Variants in OR52E2 observed in about 807,000 individuals in gnomAD.
The protein encoded by OR52E2 is olfactory receptor 52E2.
For missense variants in OR52E2, 443 were observed against 403.9 expected, an observed-to-expected ratio of 1.10 and a Z score of -0.83; for synonymous variants, 130 against 143.9, an observed-to-expected ratio of 0.90 and a Z score of 0.69.
Position 5,059,498 on chromosome 11 carries a change from T to A in OR52E2, c.130A>T (p.Asn44Tyr), listed in dbSNP as rs777079565. 1.2e-6 allele frequency: 2 copies of A among 1,613,954 alleles called. No individual in the cohort carries two copies. Among genetic ancestry groups the A allele is most frequent in the Admixed American group, 1.7e-5 (1 of 59,986 alleles). Residue 44 changes from asparagine (N) to tyrosine (Y), a missense_variant, in exon 1 of 1, where the codon AAC becomes TAC. Asn to Tyr is a moderately radical substitution (Grantham distance 143, BLOSUM62 -2). Coordinates refer to ENST00000321522, the MANE Select transcript of OR52E2 (RefSeq NM_001005164.2). ...CAVYMIALIGNFTILLVIKTD... is the reference protein window; with the variant it reads ...CAVYMIALIGYFTILLVIKTD... ...TTGATCACAAGTAGAATAGTGAAGT[T>A]CCCTATGAGTGCGATCATGTACACA...
At position 5,059,570 on chromosome 11, in the gene OR52E2, G is replaced by A; in HGVS notation, c.58C>T (p.Pro20Ser). Residue 20 changes from proline to serine, a missense_variant, in exon 1 of 1, where the codon CCA (proline) becomes TCA (serine). Pro to Ser is a moderately conservative substitution (Grantham distance 74). Transcript: ENST00000321522. Reference sequence around the variant, plus strand: ...CAGATGTGAAGTGTTTCTAGTCCTGGGATCCCCAGCAACAGGAAGGAGGAG... The same window carrying A: ...CAGATGTGAAGTGTTTCTAGTCCTGAGATCCCCAGCAACAGGAAGGAGGAG... ...HPSSFLLLGI[P>S]GLETLHIWIG... The A allele has an allele frequency of 1.9e-6, 3 of 1,612,764 alleles. No homozygotes were observed. The highest frequency in any genetic ancestry group is 2.5e-6 in the Non-Finnish European group (3 of 1,179,290).
Position 5,059,389 on chromosome 11 carries a change from A to T in OR52E2, c.239T>A (p.Ile80Asn), listed in dbSNP as rs373112219. 181 of 1,613,686 alleles carry T rather than the reference A, an allele frequency of 1.1e-4. No individual in the cohort carries two copies. The highest frequency in any genetic ancestry group is 1.4e-4 in the Non-Finnish European group (168 of 1,179,900). Residue 80 changes from isoleucine to asparagine, a missense_variant, in exon 1 of 1, where the codon ATC (isoleucine) becomes AAC (asparagine). By Grantham distance (149) the Ile-to-Asn change is moderately radical. Coordinates refer to ENST00000321522, the MANE Select transcript of OR52E2 (RefSeq NM_001005164.2). ...CCAGAAGATTCCAAGCATCTTAGGG[A>T]TGGTAGCTGTTGAGAGACCCACATC... ...TTDVGLSTAT[I>N]PKMLGIFWIN...
In OR52E2 at chr11:5,059,037, A is replaced by G. The variant is rs1564835828; in HGVS notation, c.591T>C (p.Asn197=). 3 of 1,613,822 alleles carry G rather than the reference A, an allele frequency of 1.9e-6. No homozygotes were observed. The highest frequency in any genetic ancestry group is 4.5e-5 in the East Asian group (2 of 44,844). ...AHLSCASIKI[N]IIYGLCAICN... The stretch of plus-strand genomic sequence containing the variant: ...AAATGGCACATAAACCATAAATAAT[A>G]TTGATTTTGATGCTGGCACAAGATA... Residue 197 remains asparagine (N), a synonymous_variant, in exon 1 of 1, where the codon AAT becomes AAC. Transcript: ENST00000321522.
Position 5,059,624 on chromosome 11 carries a change from A to T in OR52E2, c.4T>A (p.Phe2Ile). M[F>I]LPNDTQFHPS... is the part of the protein sequence containing the mutation. Reference sequence around the variant, plus strand: ...TGAAACTGGGTGTCATTGGGAAGGAACATCCTGCTTGTGAATGCATAAGTC... The same window carrying T: ...TGAAACTGGGTGTCATTGGGAAGGATCATCCTGCTTGTGAATGCATAAGTC... The change falls in exon 1 of 1, where the codon TTC (phenylalanine) becomes ATC (isoleucine). Residue 2 changes from phenylalanine to isoleucine, a missense_variant. Transcript: ENST00000321522. The T allele has an allele frequency of 3.1e-6, 5 of 1,588,688 alleles. No homozygotes were observed. The highest frequency in any genetic ancestry group is 4.3e-6 in the Non-Finnish European group (5 of 1,165,386).
rs1847675635 is a variant in OR52E2, at chr11:5,058,654, A to T, written c.974T>A (p.Phe325Tyr). The change falls in exon 1 of 1, where the codon TTC becomes TAC. Residue 325 changes from phenylalanine (F) to tyrosine (Y), a missense_variant. Phe to Tyr is a conservative substitution (Grantham distance 22). Transcript: ENST00000321522. ...EKEEYLIHTRF is the reference protein window; with the variant it reads ...EKEEYLIHTRY ...TGAAATTTCATAAAATTGCATTCAG[A>T]ACCTCGTATGTATTAGGTACTCTTC... 7.2e-7 allele frequency: 1 copy of T among 1,387,732 alleles called. No homozygotes were observed. The highest frequency in any genetic ancestry group is 2.3e-5 in the South Asian group (1 of 43,328). 86.0% of individuals were successfully genotyped at this position (1,387,732 alleles called of 1,614,324 possible).
rs758055315 is a variant in OR52E2 at position 5,059,467 on chromosome 11, TCAGTCTTGATCACAAGTAGAA to T, written c.140_160del (p.Ile47_Asp54delinsAsn). 3 of 1,613,918 alleles carry T rather than the reference TCAGTCTTGATCACAAGTAGAA, an allele frequency of 1.9e-6. No homozygotes were observed. The South Asian group carries it at 3.3e-5, about 18-fold the overall frequency. Reference sequence around the variant, plus strand: ...GAACATGGGCTGGTGTAGGCTGCTGTCAGTCTTGATCACAAGTAGAATAGTGAAGTTCCCTATGAGTGCGAT... The same window carrying T: ...GAACATGGGCTGGTGTAGGCTGCTGTTAGTGAAGTTCCCTATGAGTGCGAT... On this transcript the variant is annotated inframe_deletion, in exon 1 of 1. Transcript: ENST00000321522.
At position 5,058,671 on chromosome 11, in the gene OR52E2, G is replaced by T; in HGVS notation, c.957C>A (p.Tyr319Ter). The T allele has an allele frequency of 6.7e-6, 10 of 1,488,190 alleles. No homozygotes were observed. Among genetic ancestry groups the T allele is most frequent in the Non-Finnish European group, 8.9e-6 (10 of 1,117,538 alleles). 92.2% of individuals were successfully genotyped at this position (1,488,190 alleles called of 1,614,324 possible). A position where few individuals can be genotyped will look rare whatever the true frequency, so the allele number is the denominator to read the frequency against. ...LQEQGMEKEE[Y>*]LIHTRF ...GCATTCAGAACCTCGTATGTATTAG[G>T]TACTCTTCCTTTTCCATTCCTTGTT... The change falls in exon 1 of 1, where the codon TAC becomes TAA. Residue 319 changes from tyrosine to a stop codon, truncating the protein, a stop_gained. Coordinates refer to ENST00000321522, the MANE Select transcript of OR52E2 (RefSeq NM_001005164.2). LOFTEE classifies it low-confidence loss of function (END_TRUNC).
In OR52E2 at chr11:5,059,398, G is replaced by T. The variant is rs956279720; in HGVS notation, c.230C>A (p.Thr77Lys). The T allele has an allele frequency of 3.1e-6, 5 of 1,613,664 alleles. No homozygotes were observed. The African/African-American group carries it at 5.3e-5, about 17-fold the overall frequency. ...MLATTDVGLSTATIPKMLGIF... is the reference protein window; with the variant it reads ...MLATTDVGLSKATIPKMLGIF... Reference sequence around the variant, plus strand: ...TCCAAGCATCTTAGGGATGGTAGCTGTTGAGAGACCCACATCAGTGGTGGC... The same window carrying T: ...TCCAAGCATCTTAGGGATGGTAGCTTTTGAGAGACCCACATCAGTGGTGGC... Residue 77 changes from threonine to lysine, a missense_variant, in exon 1 of 1, where the codon ACA (threonine) becomes AAA (lysine). By Grantham distance (78) the Thr-to-Lys change is moderately conservative. Coordinates refer to ENST00000321522, the MANE Select transcript of OR52E2 (RefSeq NM_001005164.2).
rs1321211996 is a variant in OR52E2, at chr11:5,058,934, G to C, written c.694C>G (p.His232Asp). The C allele has an allele frequency of 1.2e-6, 2 of 1,602,644 alleles. No individual in the cohort carries two copies. The highest frequency in any genetic ancestry group is 1.7e-6 in the Non-Finnish European group (2 of 1,174,672). ...ILCAVFRLPT[H>D]EARLKSLSTC... is the part of the protein sequence containing the mutation. ...CTGAGGGACTTGAGTCGGGCTTCATGAGTAGGAAGACGGAAAACAGCACAA... is the reference window on the plus strand; with the variant it reads ...CTGAGGGACTTGAGTCGGGCTTCATCAGTAGGAAGACGGAAAACAGCACAA... The change falls in exon 1 of 1, where the codon CAT (histidine) becomes GAT (aspartate). Residue 232 changes from histidine to aspartate, a missense_variant. By Grantham distance (81) the His-to-Asp change is moderately conservative (BLOSUM62 -1). Coordinates refer to ENST00000321522, the MANE Select transcript of OR52E2 (RefSeq NM_001005164.2).
Position 5,059,091 on chromosome 11 carries a change from G to A in OR52E2, c.537C>T (p.Thr179=). ...GAGCAAGACCCATGTGCTCACAGTA[G>A]GTGTGGGGAATTACATGATTCCCAC... ...PFCGNHVIPH[T]YCEHMGLAHL... is the part of the protein sequence containing the mutation. Residue 179 remains threonine, a synonymous_variant, in exon 1 of 1, where the codon ACC becomes ACT. Coordinates refer to ENST00000321522, the MANE Select transcript of OR52E2 (RefSeq NM_001005164.2). 6.2e-7 allele frequency: 1 copy of A among 1,613,136 alleles called. No individual in the cohort carries two copies. The highest frequency in any genetic ancestry group is 8.5e-7 in the Non-Finnish European group (1 of 1,179,626).
chr11:5,058,965 A>G lies in OR52E2; in HGVS notation c.663T>C (p.His221=). 1 of 1,611,878 alleles carries G rather than the reference A, an allele frequency of 6.2e-7. No individual in the cohort carries two copies. The highest frequency in any genetic ancestry group is 1.1e-5 in the South Asian group (1 of 90,650). ...DITVIALSYV[H]ILCAVFRLPT... ...GAAGACGGAAAACAGCACAAAGAATATGCACATAAGAAAGGGCAATGACTG... is the reference window on the plus strand; with the variant it reads ...GAAGACGGAAAACAGCACAAAGAATGTGCACATAAGAAAGGGCAATGACTG... Residue 221 remains histidine, a synonymous_variant, in exon 1 of 1, where the codon CAT becomes CAC. Transcript: ENST00000321522.
Position 5,058,994 on chromosome 11 carries a change from T to C in OR52E2, c.634A>G (p.Ile212Val), listed in dbSNP as rs1194842688. 1 of 1,613,670 alleles carries C rather than the reference T, an allele frequency of 6.2e-7. No individual in the cohort carries two copies. The highest frequency in any genetic ancestry group is 8.5e-7 in the Non-Finnish European group (1 of 1,179,834). The change falls in exon 1 of 1, where the codon ATC becomes GTC. Residue 212 changes from isoleucine (I) to valine (V), a missense_variant. Coordinates refer to ENST00000321522, the MANE Select transcript of OR52E2 (RefSeq NM_001005164.2). ...LCAICNLVFDITVIALSYVHI... is the reference protein window; with the variant it reads ...LCAICNLVFDVTVIALSYVHI... ...ACATAAGAAAGGGCAATGACTGTGA[T>C]GTCAAACACTAGATTACAAATGGCA... is the stretch of plus-strand genomic sequence containing the variant.
In OR52E2 at chr11:5,058,795, G is replaced by A; in HGVS notation, c.833C>T (p.Ala278Val). ...TGGTGGCACCACAACATAGAGATTG[G>A]CTAGGAGTATATGGATATAGCGGGG... is the stretch of plus-strand genomic sequence containing the variant. ...NVPRYIHILL[A>V]NLYVVVPPML... The change falls in exon 1 of 1, where the codon GCC becomes GTC. Residue 278 changes from alanine (A) to valine (V), a missense_variant. Transcript: ENST00000321522. The A allele has an allele frequency of 1.3e-6, 2 of 1,597,980 alleles. No individual in the cohort carries two copies. Among genetic ancestry groups the A allele is most frequent in the South Asian group, 1.1e-5 (1 of 88,666 alleles).
In OR52E2 at chr11:5,059,002, A is replaced by C; in HGVS notation, c.626T>G (p.Val209Gly). Residue 209 changes from valine (V) to glycine (G), a missense_variant, in exon 1 of 1, where the codon GTG (valine) becomes GGG (glycine). By Grantham distance (109) the Val-to-Gly change is moderately radical. Transcript: ENST00000321522. ...IYGLCAICNL[V>G]FDITVIALSY... The stretch of plus-strand genomic sequence containing the variant: ...AAGGGCAATGACTGTGATGTCAAAC[A>C]CTAGATTACAAATGGCACATAAACC... 1 of 1,613,748 alleles carries C rather than the reference A, an allele frequency of 6.2e-7. No individual in the cohort carries two copies. Among genetic ancestry groups the C allele is most frequent in the Non-Finnish European group, 8.5e-7 (1 of 1,179,862 alleles).
rs764500547 is a variant in OR52E2, at chr11:5,059,318, A to T, written c.310T>A (p.Phe104Ile). The change falls in exon 1 of 1, where the codon TTT (phenylalanine) becomes ATT (isoleucine). Residue 104 changes from phenylalanine (F) to isoleucine (I), a missense_variant. By Grantham distance (21) the Phe-to-Ile change is conservative. Transcript: ENST00000321522. ...IIFEACLTQM[F>I]FIHNFTLMES... ...ATAAGTGTGAAGTTGTGGATAAAAA[A>T]CATCTGGGTGAGGCAGGCTTCAAAG... 6.2e-7 allele frequency: 1 copy of T among 1,613,720 alleles called. No homozygotes were observed. Among genetic ancestry groups the T allele is most frequent in the Admixed American group, 1.7e-5 (1 of 59,904 alleles).
In OR52E2 at chr11:5,059,326, G is replaced by A. The variant is rs1181875179; in HGVS notation, c.302C>T (p.Thr101Ile). ...GAAGTTGTGGATAAAAAACATCTGG[G>A]TGAGGCAGGCTTCAAAGATGATCCC... is the stretch of plus-strand genomic sequence containing the variant. ...LRGIIFEACL[T>I]QMFFIHNFTL... The change falls in exon 1 of 1, where the codon ACC becomes ATC. Residue 101 changes from threonine (T) to isoleucine (I), a missense_variant. Transcript: ENST00000321522. The A allele has an allele frequency of 6.2e-7, 1 of 1,613,670 alleles. No homozygotes were observed. Among genetic ancestry groups the A allele is most frequent in the Non-Finnish European group, 8.5e-7 (1 of 1,179,846 alleles).
Position 5,058,807 on chromosome 11 carries a change from T to C in OR52E2, c.821A>G (p.His274Arg), listed in dbSNP as rs1413201117. The C allele has an allele frequency of 3.8e-6, 6 of 1,591,904 alleles. No homozygotes were observed. The highest frequency in any genetic ancestry group is 2.2e-5 in the East Asian group (1 of 44,770). ...AACATAGAGATTGGCTAGGAGTATA[T>C]GGATATAGCGGGGCACATTTCGGCC... ...RFGRNVPRYI[H>R]ILLANLYVVV... Residue 274 changes from histidine (H) to arginine (R), a missense_variant, in exon 1 of 1, where the codon CAT becomes CGT. Transcript: ENST00000321522.
rs1847678829 is a variant in OR52E2 at position 5,058,831 on chromosome 11, C to A, written c.797G>T (p.Gly266Val). Residue 266 changes from glycine to valine, a missense_variant, in exon 1 of 1, where the codon GGC becomes GTC. By Grantham distance (109) the Gly-to-Val change is moderately radical (BLOSUM62 -3). Coordinates refer to ENST00000321522, the MANE Select transcript of OR52E2 (RefSeq NM_001005164.2). ...ALFSFMTHRF[G>V]RNVPRYIHIL... is the part of the protein sequence containing the mutation. Reference sequence around the variant, plus strand: ...ATGGATATAGCGGGGCACATTTCGGCCAAAGCGATGAGTCATAAAGGAAAA... The same window carrying A: ...ATGGATATAGCGGGGCACATTTCGGACAAAGCGATGAGTCATAAAGGAAAA... 6.3e-7 allele frequency: 1 copy of A among 1,579,442 alleles called. No individual in the cohort carries two copies. Among genetic ancestry groups the A allele is most frequent in the Admixed American group, 1.9e-5 (1 of 52,732 alleles).
chr11:5,059,618 GA>G lies in OR52E2; in HGVS notation c.9del (p.Asn5MetfsTer18). ...GAGGGGTGAAACTGGGTGTCATTGG[GA>G]AGGAACATCCTGCTTGTGAATGCAT... MF[L>X]PNDTQFHPSS... is the part of the protein sequence containing the mutation. On this transcript the variant is annotated frameshift_variant, in exon 1 of 1. Coordinates refer to ENST00000321522, the MANE Select transcript of OR52E2 (RefSeq NM_001005164.2). LOFTEE classifies it low-confidence loss of function (END_TRUNC). 1 of 1,595,156 alleles carries G rather than the reference GA, an allele frequency of 6.3e-7. No homozygotes were observed.
Sources: allele counts gnomAD v4.1 joint callset, GRCh38; gene constraint gnomAD v4.1.1; transcripts MANE v1.5; gene names NCBI Gene and HGNC (gene_info 2026-07-23, HGNC 2026-07-21).